SLC19A1: variants seen among roughly 807,000 people sequenced by gnomAD.
SLC19A1 encodes reduced folate transporter.
SLC19A1 carries 37 observed loss-of-function variants against 35.3 expected under a neutral mutation model. The ratio of observed to expected loss-of-function variants is 1.05; its 90% confidence interval spans 0.81 to 1.38. The LOEUF (loss-of-function observed/expected upper bound fraction) is 1.38, where lower values mean the gene tolerates loss of function less well. Ranked by LOEUF, SLC19A1 falls within the 40% of genes most tolerant of loss-of-function variation. The probability of loss-of-function intolerance (pLI) is 0.00; values close to 1 mark genes in which losing one functional copy is unlikely to be tolerated. For synonymous variants in SLC19A1, 460 were observed against 398.5 expected, an observed-to-expected ratio of 1.15 and a Z score of -1.84; for missense variants, 831 against 826.9, an observed-to-expected ratio of 1.00 and a Z score of -0.06.
Position 45,532,577 on chromosome 21 carries a change from G to T in SLC19A1, c.190-429C>A, listed in dbSNP as rs554369297. Among the ~76,000 whole-genome samples, 10 of 152,108 alleles carry T rather than the reference G, an allele frequency of 6.6e-5. No homozygotes were observed. In the South Asian group the frequency reaches 2.1e-3, roughly 32 times the overall value. ...GCCTCCCGAGTAGCTGAGATTACAG[G>T]TGCGTACCACCATGTCTGGCTAATT... is the stretch of plus-strand genomic sequence containing the variant. On this transcript the variant is annotated intron_variant, in intron 2 of 5. Coordinates refer to ENST00000311124, the MANE Select transcript of SLC19A1 (RefSeq NM_194255.4).
At chr21:45,512,224 C>A, downstream of SLC19A1, 1 of 1,612,438 alleles carries the variant, frequency 6.2e-7, no homozygotes. Flanking sequence ...CGGACCCCAA[C>A]GGGCGCAGGC....
At chr21:45,561,894 A>G (rs1279390426) in intron 1 of SLC19A1, among the ~76,000 whole-genome samples, 2 of 152,088 alleles carry the variant, frequency 1.3e-5, no homozygotes, top group Admixed American at 6.5e-5. Flanking sequence ...ACACTTTGAG[A>G]GGCCAAGGCG....
chr21:45,521,532 C>T (rs573355933), intron 5 of SLC19A1, among the ~76,000 whole-genome samples: 11 of 152,004 alleles, frequency 7.2e-5, no homozygotes, highest in Non-Finnish European at 1.3e-4. Flanking sequence ...AAAATGTATA[C>T]GGAAAGGCAA....
At chr21:45,539,657 A>G (rs1232574993) in intron 1 of SLC19A1, among the ~76,000 whole-genome samples, 1 of 152,198 alleles carries the variant, frequency 6.6e-6, no homozygotes, top group Non-Finnish European at 1.5e-5. Flanking sequence ...GCTTAGGAAA[A>G]AGGTGGCCTT....
At position 45,515,172 on chromosome 21, in the gene SLC19A1, A is replaced by T. The variant is rs759936819; in HGVS notation, c.*486T>A. The T allele has an allele frequency of 6.6e-6, 10 of 1,524,294 alleles. No homozygotes were observed. In the South Asian group the frequency reaches 8.9e-5, roughly 14 times the overall value. 94.4% of individuals were successfully genotyped at this position (1,524,294 alleles called of 1,614,324 possible). ...TTCATTCTACGTCAGTTAAAAAAAA[A>T]AAAAGCATCTTTCAAAAAAGCAAGA... On this transcript the variant is annotated 3_prime_UTR_variant, in exon 6 of 6. Transcript: ENST00000311124.
In SLC19A1 at chr21:45,534,632, G is replaced by A; in HGVS notation, c.190-2484C>T. The stretch of plus-strand genomic sequence containing the variant: ...CAGGCACCTCCTGGTCTTAGTTGAG[G>A]GTCTGAGCGCAGAGCTCCCCCTTGG... On this transcript the variant is annotated intron_variant, in intron 2 of 5. Coordinates refer to ENST00000311124, the MANE Select transcript of SLC19A1 (RefSeq NM_194255.4). This position sits in a 1 kb window ranked among gnomAD's most constrained non-coding sequence, Gnocchi z 4.2. 2 of 1,534,548 alleles carry A rather than the reference G, an allele frequency of 1.3e-6. No individual in the cohort carries two copies. Among genetic ancestry groups the A allele is most frequent in the Non-Finnish European group, 1.7e-6 (2 of 1,145,924 alleles).
At chr21:45,560,474 C>T (rs2078604679) in intron 1 of SLC19A1, among the ~76,000 whole-genome samples, 1 of 151,642 alleles carries the variant, frequency 6.6e-6, no homozygotes, top group Non-Finnish European at 1.5e-5. Flanking sequence ...AGGAGCTAAT[C>T]CACCACGCAG....
chr21:45,506,096 T>G (rs1436945526), intron 3 of SLC19A1: 2 of 1,424,252 alleles, frequency 1.4e-6, no homozygotes, highest in East Asian at 4.6e-5. Context: ...TTCTTAAACT[T>G]TCAAACTTTT....
chr21:45,526,116 A>G (rs772144164), intron 4 of SLC19A1, among the ~76,000 whole-genome samples, 158 bp from the exon 5 acceptor site: 2 of 151,928 alleles, frequency 1.3e-5, no homozygotes, highest in Non-Finnish European at 2.9e-5. Context: ...CATCTCTCCC[A>G]CACATGCCCG....
downstream of SLC19A1, among the ~76,000 whole-genome samples, chr21:45,508,236 A>AGTGGGTGAGTGGATGGTGGACAG (rs1306803423): frequency 1.4e-5 from 2 of 139,244 alleles, no homozygotes; most frequent in Non-Finnish European, 3.1e-5. Flanking sequence ...ATAGTGGGTA[A>AGTGGGTGAGTGGATGGTGGACAG]GTGGGTGAGT....
rs1261174354 is a variant in SLC19A1, at chr21:45,512,612, C to T, written c.*3046G>A. ...ACAGAAGCCTGATGCTGACATTCAC[C>T]TGCCCCAACTCTCCCCTGACCTGTG... On this transcript the variant is annotated 3_prime_UTR_variant, in exon 6 of 6. Transcript: ENST00000311124. 3.3e-6 allele frequency: 2 copies of T among 605,850 alleles called. No individual in the cohort carries two copies. Among genetic ancestry groups the T allele is most frequent in the African/African-American group, 3.7e-5 (2 of 53,858 alleles). 37.5% of individuals were successfully genotyped at this position (605,850 alleles called of 1,614,324 possible).
chr21:45,519,570 C>CAAAAAA (rs57639933), intron 5 of SLC19A1, among the ~76,000 whole-genome samples: 122 of 57,106 alleles, frequency 2.1e-3, no homozygotes, highest in Non-Finnish European at 2.8e-3. Flanking sequence ...AACTTCTGAG[C>CAAAAAA]AAAAAAAAAA....
At chr21:45,505,609 G>A (rs928323425) in intron 3 of SLC19A1, among the ~76,000 whole-genome samples, 4 of 152,164 alleles carry the variant, frequency 2.6e-5, no homozygotes, top group African/African-American at 7.2e-5. Flanking sequence ...GACCCAGGAG[G>A]ACGACCACCA....
At chr21:45,527,388 C>G (rs1473973255) in intron 4 of SLC19A1, among the ~76,000 whole-genome samples, 1 of 138,032 alleles carries the variant, frequency 7.2e-6, no homozygotes, top group African/African-American at 2.8e-5. Context: ...TGAGTGGCAG[C>G]AGGTTAGGAC....
intron 2 of SLC19A1, 52 bp downstream of exon 2, chr21:45,537,719 T>TGGGGGGGGGGCCCCCC: frequency 1.3e-5 from 4 of 319,776 alleles, no homozygotes; most frequent in Non-Finnish European, 2.3e-5. Context: ...CAGACGCTGC[T>TGGGGGGGGGGCCCCCC]CCCCGCCCAC....
At chr21:45,509,150 G>A (rs1406131811), downstream of SLC19A1, among the ~76,000 whole-genome samples, 1 of 152,046 alleles carries the variant, frequency 6.6e-6, no homozygotes, top group Non-Finnish European at 1.5e-5. Flanking sequence ...GAGCAGAGGT[G>A]ACCCGCGATC....
At position 45,531,864 on chromosome 21, in the gene SLC19A1, A is replaced by C; in HGVS notation, c.474T>G (p.Ala158=). The part of the protein sequence containing the change: ...RYQRVAGYSR[A]AVLLGVFTSS... Reference sequence around the variant, plus strand: ...TGGTGAACACGCCCAGCAGCACCGCAGCGCGCGAGTAGCCGGCCACACGCT... The same window carrying C: ...TGGTGAACACGCCCAGCAGCACCGCCGCGCGCGAGTAGCCGGCCACACGCT... Residue 158 remains alanine, a synonymous_variant, in exon 3 of 6, where the codon GCT becomes GCG. Coordinates refer to ENST00000311124, the MANE Select transcript of SLC19A1 (RefSeq NM_194255.4). 3 of 1,584,832 alleles carry C rather than the reference A, an allele frequency of 1.9e-6. No homozygotes were observed. The highest frequency in any genetic ancestry group is 2.6e-6 in the Non-Finnish European group (3 of 1,166,312).
At chr21:45,529,690 TTG>T (rs559028595) in intron 4 of SLC19A1, among the ~76,000 whole-genome samples, 6 of 145,180 alleles carry the variant, frequency 4.1e-5, no homozygotes, top group South Asian at 2.3e-4. Context: ...TGAGCATGTG[TTG>T]TGTGTCCGTG....
chr21:45,505,848 G>T, intron 3 of SLC19A1: 1 of 1,609,376 alleles, frequency 6.2e-7, no homozygotes. Context: ...GTGAGGCTCT[G>T]GGCTACACGC....
Sources: gnomAD v4.1 joint callset for allele counts (sites outside exome capture counted in the v4.1 genomes callset) on GRCh38, gnomAD v4.1.1 for gene constraint, Gnocchi (gnomAD v3.1) non-coding constraint, MANE v1.5 for transcripts, NCBI Gene and HGNC (gene_info 2026-07-23, HGNC 2026-07-21) for gene names.